Variants in APBB2 observed in about 807,000 individuals in gnomAD.
APBB2 encodes Fe65-like 1.
A neutral mutation model predicts 82.5 loss-of-function variants in APBB2; 38 were observed. That is an observed-to-expected ratio of 0.46 (90% confidence interval 0.36 to 0.60). The LOEUF is 0.60. Among genes scored for constraint, APBB2 ranks in the 20% least tolerant of loss-of-function variants. APBB2 has a pLI of 0.00. For missense variants in APBB2, 772 were observed against 972.3 expected, an observed-to-expected ratio of 0.79 and a Z score of 2.74; for synonymous variants, 341 against 368.2, an observed-to-expected ratio of 0.93 and a Z score of 0.85.
intron 1 of APBB2, among the ~76,000 whole-genome samples, chr4:41,194,709 T>C: frequency 6.6e-6 from 1 of 152,140 alleles, no homozygotes; most frequent in African/African-American, 2.4e-5. Context: ...TGAAAGGTTA[T>C]CCAGACTATT....
chr4:41,050,906 G>A (rs1179111795), intron 4 of APBB2, among the ~76,000 whole-genome samples: 1 of 151,594 alleles, frequency 6.6e-6, no homozygotes, highest in Admixed American at 6.6e-5. Flanking sequence ...CCTCCAAGAA[G>A]ACATACCTGG....
rs1745417615 is a variant in APBB2, at chr4:40,815,741, C to G, written c.*351G>C. 4.5e-6 allele frequency: 1 copy of G among 222,022 alleles called. No homozygotes were observed. The highest frequency in any genetic ancestry group is 9.2e-6 in the Non-Finnish European group (1 of 109,204). 13.8% of individuals were successfully genotyped at this position (222,022 alleles called of 1,614,324 possible). On this transcript the variant is annotated 3_prime_UTR_variant, in exon 18 of 18. Transcript: ENST00000508593. ...AGCCAAGAAGACAGTGAAACTAACTCACGCATCATTCATTCCAAGGACGCA... is the reference window on the plus strand; with the variant it reads ...AGCCAAGAAGACAGTGAAACTAACTGACGCATCATTCATTCCAAGGACGCA...
rs112147152 is a variant in APBB2 at position 40,837,973 on chromosome 4, A to C, written c.1530-7396T>G. ...TAGAGTTTTGCTGGAGAAAAATGAC[A>C]GTGTTAATACATCTTATCTGACAGC... On this transcript the variant is annotated intron_variant, in intron 12 of 17. Coordinates refer to ENST00000508593, the MANE Select transcript of APBB2 (RefSeq NM_004307.2). Among the ~76,000 whole-genome samples the C allele has an allele frequency of 2.6e-5, 4 of 152,212 alleles. 1 individual carries two copies. The highest frequency in any genetic ancestry group is 9.6e-5 in the African/African-American group (4 of 41,518).
intron 4 of APBB2, among the ~76,000 whole-genome samples, chr4:41,057,547 C>T (rs1728264705): frequency 6.6e-6 from 1 of 152,188 alleles, no homozygotes; most frequent in Admixed American, 6.5e-5. Context: ...GCTACAGAGG[C>T]AAACAACAAA....
chr4:40,923,233 C>A (rs1781788051), intron 10 of APBB2, among the ~76,000 whole-genome samples: 1 of 152,212 alleles, frequency 6.6e-6, no homozygotes, highest in Non-Finnish European at 1.5e-5. Context: ...CCTCGGCCTC[C>A]CAAAGTGCTG....
At chr4:40,846,025 T>A (rs1459962973) in intron 12 of APBB2, among the ~76,000 whole-genome samples, 1 of 94,536 alleles carries the variant, frequency 1.1e-5, no homozygotes, top group African/African-American at 4.3e-5. Flanking sequence ...GGTGTGTGTG[T>A]GTGTGTGTGT....
intron 10 of APBB2, among the ~76,000 whole-genome samples, chr4:40,907,365 ATATATATATATATATTTTTTTTT>A (rs1560860999): frequency 4.7e-5 from 4 of 85,028 alleles, no homozygotes; most frequent in South Asian, 3.8e-4. Context: ...ATATATATAT[ATATATATATATATATTTTTTTTT>A]TTTTTTTTTT....
chr4:41,170,374 T>C (rs1010543308), intron 1 of APBB2, among the ~76,000 whole-genome samples: 12 of 152,206 alleles, frequency 7.9e-5, no homozygotes, highest in Non-Finnish European at 1.6e-4. Flanking sequence ...AGGGTCAACA[T>C]TGGCTCAAGT....
intron 4 of APBB2, among the ~76,000 whole-genome samples, chr4:41,063,592 T>C (rs1237524311): frequency 6.6e-6 from 1 of 152,226 alleles, no homozygotes. Flanking sequence ...CCCTCCCTAC[T>C]GCTATAAAGT....
At chr4:40,881,757 C>A (rs544515669) in intron 12 of APBB2, among the ~76,000 whole-genome samples, 1 of 152,086 alleles carries the variant, frequency 6.6e-6, no homozygotes, top group South Asian at 2.1e-4. Context: ...TGGTCTCAAA[C>A]TCCTGGCCTC....
chr4:40,903,165 A>G (rs1376642742), intron 10 of APBB2, among the ~76,000 whole-genome samples: 1 of 152,094 alleles, frequency 6.6e-6, no homozygotes, highest in Non-Finnish European at 1.5e-5. Context: ...AAACAGTAAT[A>G]AAATTTAAAA....
At chr4:41,158,664 G>A (rs1446033210) in intron 1 of APBB2, among the ~76,000 whole-genome samples, 1 of 152,178 alleles carries the variant, frequency 6.6e-6, no homozygotes, top group Non-Finnish European at 1.5e-5. Context: ...GGGTATCACT[G>A]CCCACAAAAA....
At chr4:41,159,773 T>G (rs1436432204) in intron 1 of APBB2, among the ~76,000 whole-genome samples, 1 of 151,286 alleles carries the variant, frequency 6.6e-6, no homozygotes, top group Non-Finnish European at 1.5e-5. Flanking sequence ...AAAAGAAGCT[T>G]GTAATCCTAT....
intron 2 of APBB2, among the ~76,000 whole-genome samples, chr4:41,102,359 G>C (rs1463741697): frequency 6.6e-6 from 1 of 152,108 alleles, no homozygotes; most frequent in Non-Finnish European, 1.5e-5. Context: ...TGTCTTACAT[G>C]CATTAACTCT....
intron 6 of APBB2, among the ~76,000 whole-genome samples, chr4:40,976,928 G>T (rs1366614039): frequency 6.6e-6 from 1 of 152,116 alleles, no homozygotes; most frequent in East Asian, 1.9e-4. Flanking sequence ...TCATGGCAGT[G>T]GTCTCAGATA....
At chr4:41,209,360 T>C (rs546800042) in intron 1 of APBB2, among the ~76,000 whole-genome samples, 11 of 152,348 alleles carry the variant, frequency 7.2e-5, no homozygotes, top group African/African-American at 2.6e-4. Flanking sequence ...AAAAAGCTCA[T>C]GATCCTGCTA....
intron 4 of APBB2, among the ~76,000 whole-genome samples, chr4:41,056,438 G>A (rs112235176): frequency 7.2e-5 from 11 of 152,106 alleles, no homozygotes; most frequent in African/African-American, 2.7e-4. Flanking sequence ...ATTGTGTCCT[G>A]TTGGAGGAAG....
At chr4:41,186,203 C>T (rs866133206) in intron 1 of APBB2, among the ~76,000 whole-genome samples, 12 of 152,148 alleles carry the variant, frequency 7.9e-5, no homozygotes, top group South Asian at 2.1e-4. Flanking sequence ...AATAAGATAA[C>T]ATTAATTAAA....
intron 6 of APBB2, among the ~76,000 whole-genome samples, chr4:40,973,808 C>T (rs570460823): frequency 1.3e-5 from 2 of 151,992 alleles, no homozygotes; most frequent in East Asian, 3.9e-4. Flanking sequence ...CTGGATTCAC[C>T]TGGCATTCTC....
Sources: allele counts gnomAD v4.1 joint callset (sites outside exome capture counted in the v4.1 genomes callset), GRCh38; gene constraint gnomAD v4.1.1; transcripts MANE v1.5; gene names NCBI Gene and HGNC (gene_info 2026-07-23, HGNC 2026-07-21).